ERC1: variants seen among roughly 807,000 people sequenced by gnomAD.
ERC1 encodes the protein RAB6 interacting protein 2.
ERC1 carries 56 observed loss-of-function variants against 132.0 expected under a neutral mutation model. The observed-to-expected ratio is 0.42, with a 90% CI of 0.34 to 0.53. The LOEUF (loss-of-function observed/expected upper bound fraction) is 0.53. Among genes scored for constraint, ERC1 ranks in the 20% least tolerant of loss-of-function variants. ERC1 has a pLI of 0.03. For synonymous variants in ERC1, 478 were observed against 476.1 expected (o/e 1.00, Z -0.05); for missense variants, 1,202 against 1,349.9 (o/e 0.89, Z 1.72).
intron 12 of ERC1, among the ~76,000 whole-genome samples, chr12:1,196,644 C>G (rs923361709): frequency 4.6e-5 from 7 of 151,706 alleles, no homozygotes; most frequent in Admixed American, 3.9e-4. Context: ...CAGGCACACA[C>G]CACCATGCCC....
rs1566169222 is a variant in ERC1, at chr12:1,181,978, G to C, written c.1929G>C (p.Lys643Asn). 6 of 1,614,036 alleles carry C rather than the reference G, an allele frequency of 3.7e-6. No homozygotes were observed. The highest frequency in any genetic ancestry group is 4.2e-6 in the Non-Finnish European group (5 of 1,179,956). ...KEQRDRDERE[K>N]QEEIDNYKKD... Reference sequence around the variant, plus strand: ...AGAGGGACAGAGATGAGCGAGAGAAGCAAGAGGAAATTGATAACTACAAAA... The same window carrying C: ...AGAGGGACAGAGATGAGCGAGAGAACCAAGAGGAAATTGATAACTACAAAA... Residue 643 changes from lysine (K) to asparagine (N), a missense_variant, in exon 10 of 19, where the codon AAG (lysine) becomes AAC (asparagine). Lys to Asn is a moderately conservative substitution (Grantham distance 94). Coordinates refer to ENST00000360905, the MANE Select transcript of ERC1 (RefSeq NM_178040.4).
At chr12:1,196,984 T>TA (rs1956386768) in intron 12 of ERC1, among the ~76,000 whole-genome samples, 1 of 66,718 alleles carries the variant, frequency 1.5e-5, no homozygotes, top group Admixed American at 1.3e-4. Context: ...ATATTTTTTT[T>TA]TTTTTTTTTT....
At chr12:1,485,844 T>A (rs1183983706) in intron 18 of ERC1, among the ~76,000 whole-genome samples, 1 of 152,212 alleles carries the variant, frequency 6.6e-6, no homozygotes, top group Non-Finnish European at 1.5e-5. Context: ...AAGCTAAAAA[T>A]ACTTTTCTGT....
chr12:1,066,520 G>T (rs1050936579), intron 2 of ERC1, among the ~76,000 whole-genome samples: 2 of 152,128 alleles, frequency 1.3e-5, no homozygotes, highest in African/African-American at 4.8e-5. Context: ...CAGATTTGTT[G>T]AATGAGTTTG....
In ERC1 at chr12:1,359,592, A is replaced by T. The variant is rs999523977; in HGVS notation, c.2781-12241A>T. Among the ~76,000 whole-genome samples the T allele has an allele frequency of 1.1e-4, 17 of 152,242 alleles. 1 individual carries two copies. The highest frequency in any genetic ancestry group is 4.1e-4 in the African/African-American group (17 of 41,532). On this transcript the variant is annotated intron_variant, in intron 15 of 18. Transcript: ENST00000360905. ...CCACACCCCGCTTCCTCGTTAACAG[A>T]CCTACCCTTACAATAATGGCATTAA...
intron 3 of ERC1, 111 bp downstream of exon 3, chr12:1,083,691 G>T: frequency 1.2e-6 from 1 of 850,598 alleles, no homozygotes; most frequent in South Asian, 1.7e-5. Flanking sequence ...TGGTGGAAGA[G>T]AATTTCATCC....
intron 16 of ERC1, among the ~76,000 whole-genome samples, chr12:1,373,740 A>C (rs2087527789): frequency 6.6e-6 from 1 of 152,230 alleles, no homozygotes. Flanking sequence ...AGATCACGCC[A>C]CAGCACTCTA....
At chr12:1,311,032 A>G (rs1566556807) in intron 15 of ERC1, among the ~76,000 whole-genome samples, 1 of 152,268 alleles carries the variant, frequency 6.6e-6, no homozygotes, top group South Asian at 2.1e-4. Flanking sequence ...GGAGGGAGAC[A>G]AGAAACATAG....
chr12:1,423,808 C>T (rs2092517544), intron 17 of ERC1, among the ~76,000 whole-genome samples: 1 of 152,164 alleles, frequency 6.6e-6, no homozygotes, highest in Non-Finnish European at 1.5e-5. Flanking sequence ...ATAAACTGGC[C>T]TTCTTACCAC....
At chr12:1,221,264 A>G (rs1958957780) in intron 12 of ERC1, among the ~76,000 whole-genome samples, 1 of 152,176 alleles carries the variant, frequency 6.6e-6, no homozygotes, top group African/African-American at 2.4e-5. Flanking sequence ...AACCAGCATT[A>G]AAAAAAGTCA....
chr12:1,418,645 C>T (rs199671738), intron 17 of ERC1, among the ~76,000 whole-genome samples: 129 of 128,328 alleles, frequency 1.0e-3, no homozygotes, highest in Middle Eastern at 3.9e-3. Context: ...CTTTCTTTCT[C>T]TCTCTCTCTC....
rs142674821 is a variant in ERC1 at position 1,125,753 on chromosome 12, T to C, written c.1569+9720T>C. On this transcript the variant is annotated intron_variant, in intron 7 of 18. Coordinates refer to ENST00000360905, the MANE Select transcript of ERC1 (RefSeq NM_178040.4). ...TCACTTGAACCCAGGAGGCGGAGGT[T>C]ACAGTGAGCTGAGATCGCACCACTG... Among the ~76,000 whole-genome samples, 1,301 of 152,288 alleles carry C rather than the reference T, an allele frequency of 8.5e-3. 79 individuals carry two copies. Among genetic ancestry groups the C allele is most frequent in the Admixed American group, 0.078 (1,190 of 15,296 alleles).
At chr12:1,093,479 TAA>T (rs1943517031) in intron 3 of ERC1, among the ~76,000 whole-genome samples, 1 of 152,202 alleles carries the variant, frequency 6.6e-6, no homozygotes, top group South Asian at 2.1e-4. Flanking sequence ...AGAGGATACC[TAA>T]GTTGGCTGTG....
chr12:1,028,581 T>C lies in ERC1; in HGVS notation c.669+9T>C, dbSNP rs1967311011. 1 of 1,591,600 alleles carries C rather than the reference T, an allele frequency of 6.3e-7. No individual in the cohort carries two copies. ...TACAGGAGGAAAACCAGGTAAGTTC[T>C]ACGTGTGTTTACCTTTATTGGCTGA... is the stretch of plus-strand genomic sequence containing the variant. On this transcript the variant is annotated intron_variant, in intron 2 of 18. Coordinates refer to ENST00000360905, the MANE Select transcript of ERC1 (RefSeq NM_178040.4).
intron 17 of ERC1, chr12:1,430,447 G>T (rs1180585416): frequency 1.3e-5 from 2 of 151,558 alleles, no homozygotes; most frequent in Non-Finnish European, 1.5e-5. Flanking sequence ...GCTTGATCTC[G>T]GCTCTCTGCA....
intron 8 of ERC1, among the ~76,000 whole-genome samples, chr12:1,158,403 C>T (rs983949601): frequency 3.3e-5 from 5 of 151,856 alleles, no homozygotes; most frequent in African/African-American, 1.2e-4. Flanking sequence ...TCGTTAAAAA[C>T]AGCTTAACTG....
intron 13 of ERC1, among the ~76,000 whole-genome samples, chr12:1,251,670 G>A (rs995034517): frequency 6.6e-6 from 1 of 152,094 alleles, no homozygotes; most frequent in African/African-American, 2.4e-5. Flanking sequence ...TAGAAAGAAA[G>A]CAAAAACACG....
intron 17 of ERC1, among the ~76,000 whole-genome samples, chr12:1,424,850 A>ATAGATAGATAGC (rs1565411242): frequency 8.2e-6 from 1 of 122,470 alleles, no homozygotes; most frequent in African/African-American, 4.0e-5. Flanking sequence ...TAGATGATAG[A>ATAGATAGATAGC]TAGATAGATA....
intron 17 of ERC1, among the ~76,000 whole-genome samples, chr12:1,415,311 G>C (rs2092060995): frequency 6.6e-6 from 1 of 152,210 alleles, no homozygotes; most frequent in African/African-American, 2.4e-5. Context: ...TTAAAAGTTG[G>C]TCTTGGTATA....
Sources: allele counts gnomAD v4.1 joint callset (sites outside exome capture counted in the v4.1 genomes callset), GRCh38; gene constraint gnomAD v4.1.1; transcripts MANE v1.5; gene names NCBI Gene and HGNC (gene_info 2026-07-23, HGNC 2026-07-21).